Variants in STK32A observed in about 807,000 individuals in gnomAD.
STK32A encodes serine/threonine-protein kinase 32A.
Under a neutral mutation model 53.2 loss-of-function variants are expected in STK32A, and 41 were observed. That is an observed-to-expected ratio of 0.77 (90% confidence interval 0.60 to 1.00). The LOEUF (loss-of-function observed/expected upper bound fraction) is 1.00, where lower values mean the gene tolerates loss of function less well. STK32A is among the 50% of genes least tolerant of loss of function. The pLI is 0.00. For synonymous variants in STK32A, 166 were observed against 162.8 expected (o/e 1.02, Z -0.15); for missense variants, 458 against 485.8 (o/e 0.94, Z 0.54).
chr5:147,257,591 A>AGGGGAGGGGG (rs1284057384), intron 2 of STK32A, among the ~76,000 whole-genome samples: 1 of 152,168 alleles, frequency 6.6e-6, no homozygotes, highest in Admixed American at 6.5e-5. Context: ...GCTGTGGCCC[A>AGGGGAGGGGG]CAACTCTGGA....
intron 4 of STK32A, among the ~76,000 whole-genome samples, chr5:147,310,267 C>T (rs1753626571): frequency 1.3e-5 from 2 of 152,088 alleles, no homozygotes; most frequent in Admixed American, 6.5e-5. Flanking sequence ...ACATTGGGTG[C>T]ATTAAAAGTA....
At chr5:147,325,498 C>T (rs969028806) in intron 5 of STK32A, among the ~76,000 whole-genome samples, 3 of 152,130 alleles carry the variant, frequency 2.0e-5, no homozygotes, top group African/African-American at 7.2e-5. Flanking sequence ...GAAGGTGAAG[C>T]ATCAGAATTT....
At chr5:147,345,314 G>T (rs924554985) in intron 6 of STK32A, among the ~76,000 whole-genome samples, 2 of 152,200 alleles carry the variant, frequency 1.3e-5, no homozygotes, top group Non-Finnish European at 2.9e-5. Context: ...GACCTGATAC[G>T]TGTGAAGTAC....
chr5:147,336,908 A>G (rs913475961), intron 5 of STK32A, among the ~76,000 whole-genome samples: 1 of 152,232 alleles, frequency 6.6e-6, no homozygotes, highest in African/African-American at 2.4e-5. Flanking sequence ...AATACAAACT[A>G]TGGACCATCA....
chr5:147,314,517 CAA>C, intron 4 of STK32A, among the ~76,000 whole-genome samples: 1 of 12,320 alleles, frequency 8.1e-5, no homozygotes, highest in African/African-American at 3.1e-4. Flanking sequence ...CAAAAAAAAA[CAA>C]AAAAAAACAA....
chr5:147,376,239 G>T (rs760458048), intron 11 of STK32A, among the ~76,000 whole-genome samples: 5 of 152,150 alleles, frequency 3.3e-5, no homozygotes, highest in Admixed American at 6.6e-5. Flanking sequence ...TTTGATCACA[G>T]AACTGGCTTC....
At chr5:147,272,463 A>G (rs979482949) in intron 2 of STK32A, among the ~76,000 whole-genome samples, 1 of 152,244 alleles carries the variant, frequency 6.6e-6, no homozygotes, top group Non-Finnish European at 1.5e-5. Flanking sequence ...CAAATTAGCT[A>G]CTTAAAAATA....
chr5:147,340,011 C>T (rs1755326813), intron 5 of STK32A, among the ~76,000 whole-genome samples: 1 of 152,174 alleles, frequency 6.6e-6, no homozygotes, highest in South Asian at 2.1e-4. Flanking sequence ...CTGAGGGTTC[C>T]TCCCCATTGT....
At chr5:147,329,005 C>T (rs1481972791) in intron 5 of STK32A, among the ~76,000 whole-genome samples, 1 of 152,066 alleles carries the variant, frequency 6.6e-6, no homozygotes, top group Non-Finnish European at 1.5e-5. Context: ...GGTTATAACT[C>T]ACTGTTTGCT....
chr5:147,379,803 T>G (rs17106597), intron 11 of STK32A, among the ~76,000 whole-genome samples: 4,032 of 152,252 alleles, frequency 0.026, 184 homozygotes, highest in East Asian at 0.2. Context: ...GATAATTTAA[T>G]CAGTGTTTGC....
intron 5 of STK32A, among the ~76,000 whole-genome samples, chr5:147,326,974 C>T (rs905239943): frequency 6.6e-6 from 1 of 152,150 alleles, no homozygotes; most frequent in African/African-American, 2.4e-5. Flanking sequence ...CTGCCTCAGC[C>T]TCCCAAAACT....
At chr5:147,254,860 C>T (rs1754155586) in intron 2 of STK32A, among the ~76,000 whole-genome samples, 1 of 152,128 alleles carries the variant, frequency 6.6e-6, no homozygotes, top group African/African-American at 2.4e-5. Context: ...AGAAGGCAGG[C>T]TGGGCGCGGT....
At chr5:147,350,444 C>T (rs933340456) in intron 6 of STK32A, among the ~76,000 whole-genome samples, 2 of 151,928 alleles carry the variant, frequency 1.3e-5, no homozygotes, top group Non-Finnish European at 1.5e-5. Context: ...TCACTGCAAC[C>T]TCTGCCTCCC....
chr5:147,401,679 C>A, the STK32A span: 1 of 1,614,090 alleles, frequency 6.2e-7, no homozygotes, highest in Non-Finnish European at 8.5e-7. Flanking sequence ...GTGATGGGCT[C>A]ACCAAAGACT....
At chr5:147,380,892 T>C (rs929269011) in intron 11 of STK32A, among the ~76,000 whole-genome samples, 1 of 152,222 alleles carries the variant, frequency 6.6e-6, no homozygotes, top group Non-Finnish European at 1.5e-5. Context: ...AGATTAATTG[T>C]TGTTTTTTAA....
At chr5:147,355,811 T>TATATATATATATATATATATAA (rs1756210964) in intron 7 of STK32A, among the ~76,000 whole-genome samples, 1 of 148,194 alleles carries the variant, frequency 6.7e-6, no homozygotes, top group African/African-American at 2.5e-5. Context: ...TATATATATA[T>TATATATATATATATATATATAA]AAATAAGTTC....
chr5:147,293,708 G>A (rs992587509), intron 4 of STK32A, among the ~76,000 whole-genome samples: 8 of 151,816 alleles, frequency 5.3e-5, no homozygotes, highest in African/African-American at 1.7e-4. Flanking sequence ...GACCTAATAG[G>A]GACAGCATGA....
At chr5:147,374,237 T>G (rs190523751) in intron 10 of STK32A, among the ~76,000 whole-genome samples, 1 of 149,880 alleles carries the variant, frequency 6.7e-6, no homozygotes, top group African/African-American at 2.5e-5. Flanking sequence ...GCATGAGCAG[T>G]GATTGTGCCA....
the STK32A span, chr5:147,394,165 A>G: frequency 2.5e-6 from 4 of 1,597,830 alleles, no homozygotes; most frequent in Non-Finnish European, 3.4e-6. Context: ...AAAAAAACAG[A>G]GTGGCGGGTA....
Sources: allele counts gnomAD v4.1 joint callset (sites outside exome capture counted in the v4.1 genomes callset), GRCh38; gene constraint gnomAD v4.1.1; transcripts MANE v1.5; gene names NCBI Gene and HGNC (gene_info 2026-07-23, HGNC 2026-07-21).